The following CDC42BPB variants were observed in gnomAD, a reference collection of about 807,000 sequenced individuals.
The protein encoded by CDC42BPB is CDC42 binding protein kinase beta, also known as serine/threonine-protein kinase MRCK beta.
Under a neutral mutation model 214.9 loss-of-function variants are expected in CDC42BPB, and 37 were observed. The ratio of observed to expected loss-of-function variants is 0.17; its 90% CI spans 0.13 to 0.23. The LOEUF is 0.23. Ranked by LOEUF, CDC42BPB falls within the 10% of genes least tolerant of loss-of-function variation. The pLI, the probability that CDC42BPB is intolerant of heterozygous loss-of-function variation, is 1.00. For synonymous variants in CDC42BPB, 931 were observed against 884.0 expected (o/e 1.05, Z -0.94); for missense variants, 1,694 against 2,227.0 (o/e 0.76, Z 4.82).
In CDC42BPB at chr14:102,975,704, C is replaced by T. The variant is rs372371951; in HGVS notation, c.1487G>A (p.Arg496His). ...EIKKLNEEIE[R>H]LKNKIADSNR... ...CATACCTGCTATTTTATTCTTCAAG[C>T]GTTCGATTTCTTCATTTAGCTTTTT... The change falls in exon 11 of 37, where the codon CGC (arginine) becomes CAC (histidine). Residue 496 changes from arginine (R) to histidine (H), a missense_variant. Coordinates refer to ENST00000361246, the MANE Select transcript of CDC42BPB (RefSeq NM_006035.4). The T allele has an allele frequency of 9.3e-6, 15 of 1,613,790 alleles. No individual in the cohort carries two copies. The highest frequency in any genetic ancestry group is 2.2e-5 in the East Asian group (1 of 44,894).
chr14:103,047,279 CAAA>C (rs397852207), intron 1 of CDC42BPB, among the ~76,000 whole-genome samples: 4 of 93,462 alleles, frequency 4.3e-5, no homozygotes, highest in Non-Finnish European at 2.2e-5. Context: ...GTAATACTCT[CAAA>C]AAAAAAAAAA....
intron 1 of CDC42BPB, among the ~76,000 whole-genome samples, chr14:103,031,310 G>T (rs1389456714): frequency 6.6e-6 from 1 of 152,160 alleles, no homozygotes; most frequent in Non-Finnish European, 1.5e-5. Flanking sequence ...CTGATTTCAT[G>T]AAAGTAATTG....
intron 5 of CDC42BPB, among the ~76,000 whole-genome samples, chr14:102,994,071 G>C (rs190603787): frequency 5.8e-4 from 89 of 152,314 alleles, no homozygotes; most frequent in Non-Finnish European, 1.1e-3. Context: ...GGAAGACACA[G>C]AAGAGAGTAA....
chr14:103,004,297 C>T lies in CDC42BPB; in HGVS notation c.352-274G>A. The T allele has an allele frequency of 5.9e-6, 4 of 673,966 alleles. No homozygotes were observed. Among genetic ancestry groups the T allele is most frequent in the Non-Finnish European group, 8.2e-6 (4 of 490,488 alleles). The allele number at this position is 673,966 out of a possible 1,614,324, so 41.7% of individuals were successfully genotyped here. ...TTTCTGTGGCTGACACTTAGATTCA[C>T]CCCACCCTTATGTGGATTCCTGACT... On this transcript the variant is annotated intron_variant, in intron 3 of 36. Coordinates refer to ENST00000361246, the MANE Select transcript of CDC42BPB (RefSeq NM_006035.4). This position sits in a 1 kb window ranked among gnomAD's most constrained non-coding sequence, Gnocchi z 5.3.
At chr14:102,969,417 C>T (rs1365871893) in intron 14 of CDC42BPB, among the ~76,000 whole-genome samples, 1 of 152,330 alleles carries the variant, frequency 6.6e-6, no homozygotes, top group East Asian at 1.9e-4. Context: ...GCCAAGCTCA[C>T]TCTGCCTGCT....
chr14:103,041,583 A>G, intron 1 of CDC42BPB: 1 of 1,056,778 alleles, frequency 9.5e-7, no homozygotes, highest in Non-Finnish European at 1.4e-6. Flanking sequence ...AGGCCGGGCA[A>G]GCTAAAGTGC....
Position 102,932,404 on chromosome 14 carries a change from TTTA to T in CDC42BPB, c.*1305_*1307del, listed in dbSNP as rs1314404298. On this transcript the variant is annotated 3_prime_UTR_variant, in exon 37 of 37. Coordinates refer to ENST00000361246, the MANE Select transcript of CDC42BPB (RefSeq NM_006035.4). The stretch of plus-strand genomic sequence containing the variant: ...GAACTTTAAAACTGCCGTCTTCTGC[TTTA>T]TTGACAGGTAAATTGTTCAAAAATG... 2 of 152,310 alleles carry T rather than the reference TTTA, an allele frequency of 1.3e-5. No individual in the cohort carries two copies. Among genetic ancestry groups the T allele is most frequent in the South Asian group, 2.1e-4 (1 of 4,832 alleles). 9.4% of individuals were successfully genotyped at this position (152,310 alleles called of 1,614,324 possible). A position where few individuals can be genotyped will look rare whatever the true frequency, so the allele number is the denominator to read the frequency against.
At chr14:102,990,621 A>C (rs781255592) in intron 5 of CDC42BPB, among the ~76,000 whole-genome samples, 1 of 152,200 alleles carries the variant, frequency 6.6e-6, no homozygotes, top group Non-Finnish European at 1.5e-5. Flanking sequence ...GCCTAGAAGC[A>C]GGCAACCCCA....
intron 6 of CDC42BPB, 148 bp from the exon 7 acceptor site, chr14:102,983,904 T>C: frequency 6.9e-7 from 1 of 1,450,066 alleles, no homozygotes; most frequent in South Asian, 1.5e-5. Flanking sequence ...AACCCAGTAA[T>C]TCAAGCTGAG....
intron 29 of CDC42BPB, chr14:102,945,453 T>C (rs2139368844): frequency 3.5e-6 from 2 of 576,108 alleles, no homozygotes. Flanking sequence ...TCCCGCTCAG[T>C]GCTCCCCTTG....
At chr14:103,044,836 T>G (rs191801063) in intron 1 of CDC42BPB, among the ~76,000 whole-genome samples, 1 of 151,610 alleles carries the variant, frequency 6.6e-6, no homozygotes, top group African/African-American at 2.4e-5. Flanking sequence ...TAAGGATTGC[T>G]GCATAACCAC....
At chr14:103,031,776 G>A (rs1021589303) in intron 1 of CDC42BPB, among the ~76,000 whole-genome samples, 1 of 152,026 alleles carries the variant, frequency 6.6e-6, no homozygotes, top group Non-Finnish European at 1.5e-5. Context: ...TCTAAGGGCT[G>A]GATTCCGGAA....
At chr14:103,006,078 T>C (rs1885800400) in intron 3 of CDC42BPB, among the ~76,000 whole-genome samples, 1 of 150,152 alleles carries the variant, frequency 6.7e-6, no homozygotes, top group Non-Finnish European at 1.5e-5. Flanking sequence ...AATGACAACA[T>C]GACAAGCGGT....
Position 103,030,667 on chromosome 14 carries a change from G to A in CDC42BPB, c.176-18479C>T, listed in dbSNP as rs138760932. 2.0e-3 allele frequency among the ~76,000 whole-genome samples: 310 copies of A among 152,304 alleles called. 2 individuals are homozygous for A. In the Middle Eastern group the frequency reaches 0.034, roughly 17 times the overall value. On this transcript the variant is annotated intron_variant, in intron 1 of 36. Transcript: ENST00000361246. ...GCCCAGATCCCATCACTGCACTCCA[G>A]CCTGGGTGACAGAGGGAGGCTCCAT...
intron 1 of CDC42BPB, among the ~76,000 whole-genome samples, chr14:103,043,668 A>G (rs1208020593): frequency 1.3e-5 from 2 of 152,136 alleles, no homozygotes; most frequent in Non-Finnish European, 1.5e-5. Context: ...GAATCTCGAT[A>G]AAGCTGTTAC....
intron 2 of CDC42BPB, among the ~76,000 whole-genome samples, chr14:103,009,559 CA>C (rs1445194859): frequency 6.6e-6 from 1 of 152,230 alleles, no homozygotes; most frequent in Non-Finnish European, 1.5e-5. Flanking sequence ...GAAACTCACA[CA>C]AAACTGAGTT....
chr14:103,037,586 T>A (rs1339411148), intron 1 of CDC42BPB, among the ~76,000 whole-genome samples: 2 of 152,214 alleles, frequency 1.3e-5, no homozygotes, highest in African/African-American at 4.8e-5. Context: ...TCTGATACTT[T>A]CAATACATGG....
Position 103,024,209 on chromosome 14 carries a change from G to A in CDC42BPB, c.176-12021C>T, listed in dbSNP as rs568658955. 1.9e-3 allele frequency among the ~76,000 whole-genome samples: 293 copies of A among 152,282 alleles called. 2 individuals are homozygous for A. The highest frequency in any genetic ancestry group is 3.4e-3 in the Non-Finnish European group (232 of 68,028). On this transcript the variant is annotated intron_variant, in intron 1 of 36. Coordinates refer to ENST00000361246, the MANE Select transcript of CDC42BPB (RefSeq NM_006035.4). ...ACGCATCTTCCTCCTGGAAGGCCTC[G>A]GACTTGTCTCTGTTTAACTGAGGCG...
Position 103,001,461 on chromosome 14 carries a change from C to T in CDC42BPB, c.448-1748G>A, listed in dbSNP as rs1389972343. ...GCAGAGGCCTGAGGGGAGCCGCGGT[C>T]GTGCTCCAGATGAAGGGGTGCGTGC... On this transcript the variant is annotated intron_variant, in intron 4 of 36. Transcript: ENST00000361246. The surrounding 1 kb of genome is among the most constrained non-coding windows in gnomAD (Gnocchi z 5.8). 2.6e-5 allele frequency among the ~76,000 whole-genome samples: 4 copies of T among 152,164 alleles called. No homozygotes were observed. The highest frequency in any genetic ancestry group is 7.2e-5 in the African/African-American group (3 of 41,442).
Sources: gnomAD v4.1 joint callset for allele counts (sites outside exome capture counted in the v4.1 genomes callset) on GRCh38, gnomAD v4.1.1 for gene constraint, Gnocchi (gnomAD v3.1) non-coding constraint, MANE v1.5 for transcripts, NCBI Gene and HGNC (gene_info 2026-07-23, HGNC 2026-07-21) for gene names.